Variants in CNTNAP2 observed in about 807,000 individuals in gnomAD.
CNTNAP2 encodes the protein contactin-associated protein-like 2.
Under a neutral mutation model 155.2 loss-of-function variants are expected in CNTNAP2, and 98 were observed. The observed-to-expected ratio is 0.63, with a 90% CI of 0.54 to 0.75. The LOEUF (loss-of-function observed/expected upper bound fraction) is 0.75. Among genes scored for constraint, CNTNAP2 ranks in the 30% least tolerant of loss-of-function variants. The pLI, the probability that CNTNAP2 is intolerant of heterozygous loss-of-function variation, is 0.00. For synonymous variants in CNTNAP2, 651 were observed against 631.2 expected (o/e 1.03, Z -0.47); for missense variants, 1,727 against 1,688.1 (o/e 1.02, Z -0.40).
chr7:146,128,861 A>T (rs1213217324), intron 1 of CNTNAP2, among the ~76,000 whole-genome samples: 3 of 146,040 alleles, frequency 2.1e-5, no homozygotes, highest in Admixed American at 6.7e-5. Flanking sequence ...GTCTGTAAGT[A>T]ATCTTGGTAT....
chr7:146,675,560 G>A (rs1216144767), intron 1 of CNTNAP2, among the ~76,000 whole-genome samples: 2 of 152,134 alleles, frequency 1.3e-5, no homozygotes, highest in Non-Finnish European at 2.9e-5. Context: ...AACAAAATAA[G>A]TATTCAGTAT....
At chr7:146,798,878 A>T (rs1585095691) in intron 2 of CNTNAP2, among the ~76,000 whole-genome samples, 1 of 152,140 alleles carries the variant, frequency 6.6e-6, no homozygotes, top group South Asian at 2.1e-4. Context: ...AAAGCCTCCA[A>T]CCTGTTCTAG....
chr7:146,663,448 C>T (rs1402837390), intron 1 of CNTNAP2, among the ~76,000 whole-genome samples: 2 of 151,248 alleles, frequency 1.3e-5, no homozygotes, highest in African/African-American at 4.9e-5. Context: ...TTTGAGATTG[C>T]ATTGAATGTA....
intron 1 of CNTNAP2, among the ~76,000 whole-genome samples, chr7:146,172,540 T>C (rs1012889422): frequency 6.6e-6 from 1 of 152,172 alleles, no homozygotes; most frequent in African/African-American, 2.4e-5. Flanking sequence ...CTCCTCTTTC[T>C]TGTTTTCATT....
chr7:146,739,477 A>G (rs1447725580), intron 1 of CNTNAP2, among the ~76,000 whole-genome samples: 2 of 152,028 alleles, frequency 1.3e-5, no homozygotes, highest in East Asian at 3.8e-4. Flanking sequence ...CCCCTGTTCA[A>G]TCAAACTATT....
chr7:146,939,277 C>G (rs1413983852), intron 3 of CNTNAP2, among the ~76,000 whole-genome samples: 1 of 152,144 alleles, frequency 6.6e-6, no homozygotes, highest in African/African-American at 2.4e-5. Flanking sequence ...GTTTTGAATT[C>G]TTCTGTGTAG....
chr7:146,582,526 A>G (rs1252845686), intron 1 of CNTNAP2, among the ~76,000 whole-genome samples: 2 of 152,196 alleles, frequency 1.3e-5, no homozygotes, highest in Admixed American at 1.3e-4. Context: ...ACAGTGATTT[A>G]TAACGCAAGC....
At chr7:147,875,156 C>T (rs1013840480) in intron 13 of CNTNAP2, among the ~76,000 whole-genome samples, 3 of 152,168 alleles carry the variant, frequency 2.0e-5, no homozygotes, top group Non-Finnish European at 4.4e-5. Context: ...ATCTTTATAT[C>T]AGTACACCAT....
At chr7:146,185,762 T>C (rs34400558) in intron 1 of CNTNAP2, among the ~76,000 whole-genome samples, 7,014 of 85,766 alleles carry the variant, frequency 0.082, 235 homozygotes, top group Middle Eastern at 0.18. Context: ...TTTATTATTC[T>C]TTTTTTTTTT....
chr7:148,383,111 T>C (rs1799105651), intron 21 of CNTNAP2, among the ~76,000 whole-genome samples: 1 of 152,082 alleles, frequency 6.6e-6, no homozygotes, highest in Non-Finnish European at 1.5e-5. Context: ...CCGGGGATTC[T>C]GTAAATCTCA....
intron 3 of CNTNAP2, among the ~76,000 whole-genome samples, chr7:146,920,637 G>A (rs1053354748): frequency 5.3e-5 from 8 of 152,124 alleles, no homozygotes; most frequent in African/African-American, 1.9e-4. Context: ...ATTTCACACT[G>A]TAGCCGTTTC....
chr7:147,412,584 G>C (rs1004500570), intron 10 of CNTNAP2, among the ~76,000 whole-genome samples: 1 of 152,098 alleles, frequency 6.6e-6, no homozygotes, highest in African/African-American at 2.4e-5. Flanking sequence ...CTGTGTCTCT[G>C]TGCCTAACAC....
chr7:146,911,567 A>C (rs1316364020), intron 3 of CNTNAP2, among the ~76,000 whole-genome samples: 3 of 150,454 alleles, frequency 2.0e-5, no homozygotes, highest in Admixed American at 6.7e-5. Flanking sequence ...CAAAAAACCA[A>C]ACACCGTATA....
At chr7:147,087,854 G>A (rs1800313262) in intron 4 of CNTNAP2, among the ~76,000 whole-genome samples, 1 of 152,076 alleles carries the variant, frequency 6.6e-6, no homozygotes, top group African/African-American at 2.4e-5. Flanking sequence ...GCGCACACCT[G>A]TAGTCCCAGC....
rs531081469 is a variant in CNTNAP2, at chr7:147,644,659, A to G, written c.2098+5353A>G. On this transcript the variant is annotated intron_variant, in intron 13 of 23. Transcript: ENST00000361727. The stretch of plus-strand genomic sequence containing the variant: ...CAAAACAAAACAAATCTTGAATTAG[A>G]TAAATCAAGCACTGAGGGAGTTCCC... 4.9e-4 allele frequency among the ~76,000 whole-genome samples: 75 copies of G among 152,274 alleles called. 1 individual carries two copies. The South Asian group carries it at 0.014, about 28-fold the overall frequency.
At chr7:147,356,512 A>G (rs1796063761) in intron 9 of CNTNAP2, among the ~76,000 whole-genome samples, 1 of 152,130 alleles carries the variant, frequency 6.6e-6, no homozygotes, top group African/African-American at 2.4e-5. Flanking sequence ...AGATGACATG[A>G]TTATACATTT....
chr7:146,585,575 G>A (rs1380710010), intron 1 of CNTNAP2, among the ~76,000 whole-genome samples: 1 of 151,944 alleles, frequency 6.6e-6, no homozygotes, highest in African/African-American at 2.4e-5. Flanking sequence ...ATATGACTTT[G>A]TTACATTATT....
At chr7:146,262,604 GT>G (rs1799936856) in intron 1 of CNTNAP2, among the ~76,000 whole-genome samples, 1 of 152,122 alleles carries the variant, frequency 6.6e-6, no homozygotes, top group Non-Finnish European at 1.5e-5. Flanking sequence ...ATCAGCAATT[GT>G]TTTTATGATA....
chr7:146,770,950 A>C (rs149987031), intron 1 of CNTNAP2, among the ~76,000 whole-genome samples: 2 of 152,158 alleles, frequency 1.3e-5, no homozygotes, highest in African/African-American at 4.8e-5. Context: ...AGCCTGATTG[A>C]GCAGGTATGG....
Sources: gnomAD v4.1 joint callset for allele counts (sites outside exome capture counted in the v4.1 genomes callset) on GRCh38, gnomAD v4.1.1 for gene constraint, MANE v1.5 for transcripts, NCBI Gene and HGNC (gene_info 2026-07-23, HGNC 2026-07-21) for gene names.